SGO1: variants seen among roughly 807,000 people sequenced by gnomAD.
SGO1 encodes the protein shugoshin 1, also known as serologically defined breast cancer antigen NY-BR-85.
Under a neutral mutation model 50.5 loss-of-function variants are expected in SGO1, and 39 were observed. That is an observed-to-expected ratio of 0.77 (90% CI 0.60 to 1.01). The LOEUF is 1.01. Among genes scored for constraint, SGO1 ranks in the 50% least tolerant of loss-of-function variants. The pLI, the probability that SGO1 is intolerant of heterozygous loss-of-function variation, is 0.00. For synonymous variants in SGO1, 191 were observed against 205.1 expected (o/e 0.93, Z 0.59); for missense variants, 638 against 606.0 (o/e 1.05, Z -0.55).
chr3:20,179,726 G>C (rs1310592031), intron 3 of SGO1, among the ~76,000 whole-genome samples: 1 of 152,126 alleles, frequency 6.6e-6, no homozygotes, highest in Non-Finnish European at 1.5e-5. Flanking sequence ...AATGTGCCTG[G>C]CCAATAAAAT....
intron 1 of SGO1, among the ~76,000 whole-genome samples, chr3:20,184,496 A>C (rs1314533893): frequency 6.6e-6 from 1 of 152,216 alleles, no homozygotes; most frequent in African/African-American, 2.4e-5. Flanking sequence ...CTAATGATTA[A>C]TTCATCAGAT....
Position 20,174,327 on chromosome 3 carries a change from T to G in SGO1, c.1204A>C (p.Arg402=), listed in dbSNP as rs773734684. The change falls in exon 6 of 8, where the codon AGG becomes CGG. Residue 402 remains arginine, a synonymous_variant. Coordinates refer to ENST00000412997, the MANE Select transcript of SGO1 (RefSeq NM_001199251.3). ...TTCAGTGCTCTTTTAGCTAGAGGCC[T>G]GGTGACTGGTCTATCTGAATTGCTC... ...PTSNSDRPVT[R]PLAKRALKYT... is the part of the protein sequence containing the mutation. 1 of 1,614,218 alleles carries G rather than the reference T, an allele frequency of 6.2e-7. No homozygotes were observed. The highest frequency in any genetic ancestry group is 8.5e-7 in the Non-Finnish European group (1 of 1,180,032).
chr3:20,172,187 T>C (rs1287199945), intron 6 of SGO1, among the ~76,000 whole-genome samples: 1 of 152,232 alleles, frequency 6.6e-6, no homozygotes, highest in African/African-American at 2.4e-5. Flanking sequence ...CAAACTTTAA[T>C]GTGTATATGA....
chr3:20,170,960 A>G, intron 7 of SGO1, 83 bp downstream of exon 7: 1 of 1,473,104 alleles, frequency 6.8e-7, no homozygotes, highest in South Asian at 1.3e-5. Flanking sequence ...TTCAGAAAAA[A>G]CTCATTCTTG....
chr3:20,169,947 AATTT>A lies in SGO1; in HGVS notation c.*753_*756del. 1.0e-6 allele frequency: 1 copy of A among 983,490 alleles called. No individual in the cohort carries two copies. Among genetic ancestry groups the A allele is most frequent in the Non-Finnish European group, 1.2e-6 (1 of 828,152 alleles). 60.9% of individuals were successfully genotyped at this position (983,490 alleles called of 1,614,324 possible). On this transcript the variant is annotated 3_prime_UTR_variant, in exon 8 of 8. Coordinates refer to ENST00000412997, the MANE Select transcript of SGO1 (RefSeq NM_001199251.3). ...CACAGAGTTTCAAAAGATCCACAAT[AATTT>A]ATTTTACTCAAATATTGTACTAAAG...
chr3:20,161,975 T>C (rs1291956339), intron 8 of SGO1, among the ~76,000 whole-genome samples: 1 of 152,216 alleles, frequency 6.6e-6, no homozygotes, highest in Non-Finnish European at 1.5e-5. Flanking sequence ...CCCCATGTTC[T>C]TCCTATATTT....
Position 20,171,696 on chromosome 3 carries a change from C to T in SGO1, c.1283-464G>A, listed in dbSNP as rs117466143. On this transcript the variant is annotated intron_variant, in intron 6 of 7. Transcript: ENST00000412997. ...ACCTTGCTATTTGGAATCAAGTCCT[C>T]TCTCTTTCAATACCAAGGTTTATTA... 3.3e-5 allele frequency among the ~76,000 whole-genome samples: 5 copies of T among 152,278 alleles called. No homozygotes were observed. The East Asian group carries it at 9.7e-4, about 29-fold the overall frequency.
rs2125254936 is a variant in SGO1 at position 20,169,723 on chromosome 3, T to C, written c.*981A>G. 1.1e-6 allele frequency: 1 copy of C among 905,000 alleles called. No homozygotes were observed. The highest frequency in any genetic ancestry group is 1.8e-5 in the African/African-American group (1 of 55,592). The allele number at this position is 905,000 out of a possible 1,614,324, so 56.1% of individuals were successfully genotyped here. A position where few individuals can be genotyped will look rare whatever the true frequency, so the allele number is the denominator to read the frequency against. On this transcript the variant is annotated 3_prime_UTR_variant, in exon 8 of 8. Coordinates refer to ENST00000412997, the MANE Select transcript of SGO1 (RefSeq NM_001199251.3). ...TTGTAATTTTATGGAGACATCACTC[T>C]GAACATACAATTAGAGCTTGGGGTT...
At chr3:20,178,904 T>C (rs144148224) in intron 3 of SGO1, among the ~76,000 whole-genome samples, 1 of 152,318 alleles carries the variant, frequency 6.6e-6, no homozygotes, top group African/African-American at 2.4e-5. Context: ...AGGTACTTAA[T>C]ATTAAGAAAG....
At position 20,174,451 on chromosome 3, in the gene SGO1, T is replaced by C; in HGVS notation, c.1080A>G (p.Glu360=). ...AGAGGCTCACTTCAGACTCGTTGTTTTCTTCTCTATTAGAGTCATTGCTCA... is the reference window on the plus strand; with the variant it reads ...AGAGGCTCACTTCAGACTCGTTGTTCTCTTCTCTATTAGAGTCATTGCTCA... The part of the protein sequence containing the change: ...QKVSNDSNRE[E]NNESEVSLCE... The change falls in exon 6 of 8, where the codon GAA becomes GAG. Residue 360 remains glutamate, a synonymous_variant. Transcript: ENST00000412997. 1 of 1,614,142 alleles carries C rather than the reference T, an allele frequency of 6.2e-7. No individual in the cohort carries two copies. The highest frequency in any genetic ancestry group is 8.5e-7 in the Non-Finnish European group (1 of 1,180,014).
At chr3:20,176,962 T>C (rs1386437664) in intron 4 of SGO1, among the ~76,000 whole-genome samples, 1 of 152,224 alleles carries the variant, frequency 6.6e-6, no homozygotes, top group Non-Finnish European at 1.5e-5. Context: ...AGAATTAATT[T>C]GTTAAATGTT....
In SGO1 at chr3:20,171,325, A is replaced by G; in HGVS notation, c.1283-93T>C. On this transcript the variant is annotated intron_variant, in intron 6 of 7. Transcript: ENST00000412997. ...AATTGTATATATCTTAACTGTACAC[A>G]AAATCCAGCATTTAATAATAGAATT... 8.8e-6 allele frequency: 9 copies of G among 1,023,458 alleles called. No homozygotes were observed. The South Asian group carries it at 2.0e-4, about 22-fold the overall frequency. 63.4% of individuals were successfully genotyped at this position (1,023,458 alleles called of 1,614,324 possible). A position where few individuals can be genotyped will look rare whatever the true frequency, so the allele number is the denominator to read the frequency against.
intron 6 of SGO1, among the ~76,000 whole-genome samples, chr3:20,172,813 A>G (rs1374061288): frequency 6.6e-6 from 1 of 151,144 alleles, no homozygotes; most frequent in African/African-American, 2.4e-5. Context: ...AAAAAAAAAA[A>G]AAATTAGCCA....
At chr3:20,185,279 T>C (rs970291907) in intron 1 of SGO1, among the ~76,000 whole-genome samples, 1 of 152,008 alleles carries the variant, frequency 6.6e-6, no homozygotes, top group African/African-American at 2.4e-5. Flanking sequence ...ACGGATCTAG[T>C]TTAGTTAAGG....
intron 4 of SGO1, among the ~76,000 whole-genome samples, chr3:20,177,916 C>A (rs1168465779): frequency 7.1e-6 from 1 of 141,660 alleles, no homozygotes; most frequent in African/African-American, 2.5e-5. Context: ...CTGAACCAGA[C>A]TATTCAGAGG....
Position 20,169,913 on chromosome 3 carries a change from C to T in SGO1, c.*791G>A, listed in dbSNP as rs1192112021. 1.5e-5 allele frequency: 15 copies of T among 983,274 alleles called. No individual in the cohort carries two copies. Among genetic ancestry groups the T allele is most frequent in the Middle Eastern group, 5.2e-4 (1 of 1,908 alleles). The allele number at this position is 983,274 out of a possible 1,614,324, so 60.9% of individuals were successfully genotyped here. On this transcript the variant is annotated 3_prime_UTR_variant, in exon 8 of 8. Transcript: ENST00000412997. ...GTAAATGTCAAATATTTATTTTACT[C>T]GAATACTACACAGAGTTTCAAAAGA...
At chr3:20,169,289 G>C, downstream of SGO1, 1 of 985,008 alleles carries the variant, frequency 1.0e-6, no homozygotes, top group Non-Finnish European at 1.2e-6. Flanking sequence ...GTGTTAGGTT[G>C]AAAGTATGGA....
chr3:20,178,937 T>A (rs6774000), intron 3 of SGO1, among the ~76,000 whole-genome samples: 35,522 of 152,090 alleles, frequency 0.23, 4,795 homozygotes, highest in East Asian at 0.54. Context: ...TTTAAGTTTT[T>A]GAAAGATCAG....
At chr3:20,168,689 C>T (rs1483206039), downstream of SGO1, among the ~76,000 whole-genome samples, 2 of 149,506 alleles carry the variant, frequency 1.3e-5, no homozygotes, top group African/African-American at 4.9e-5. Flanking sequence ...GTCACCCAGG[C>T]TGGAGTGCAG....
Sources: allele counts gnomAD v4.1 joint callset (sites outside exome capture counted in the v4.1 genomes callset), GRCh38; gene constraint gnomAD v4.1.1; transcripts MANE v1.5; gene names NCBI Gene and HGNC (gene_info 2026-07-23, HGNC 2026-07-21).